The following RCC1L variants were observed in gnomAD, a reference collection of about 807,000 sequenced individuals.
RCC1L encodes the protein RCC1 like.
RCC1L carries 46 observed loss-of-function variants against 58.6 expected under a neutral mutation model. The ratio of observed to expected loss-of-function variants is 0.79; its 90% confidence interval spans 0.62 to 1.00. The LOEUF is 1.00. RCC1L is among the 50% of genes least tolerant of loss of function. The pLI, the probability that RCC1L is intolerant of heterozygous loss-of-function variation, is 0.00. For synonymous variants in RCC1L, 281 were observed against 262.9 expected (o/e 1.07, Z -0.67); for missense variants, 636 against 623.6 (o/e 1.02, Z -0.21).
At chr7:75,029,719 T>G (rs1343573511) in intron 10 of RCC1L, among the ~76,000 whole-genome samples, 3 of 152,148 alleles carry the variant, frequency 2.0e-5, no homozygotes, top group Non-Finnish European at 4.4e-5. Flanking sequence ...AACCTTCTAG[T>G]CCGCTCCGAG....
At chr7:75,055,778 C>T in intron 9 of RCC1L, 123 bp downstream of exon 9, 1 of 1,117,948 alleles carries the variant, frequency 8.9e-7, no homozygotes, top group Non-Finnish European at 1.3e-6. Flanking sequence ...CTTGAGTTAT[C>T]AGTACAAAGG....
chr7:75,057,398 T>G, intron 8 of RCC1L, 131 bp downstream of exon 8: 36 of 849,428 alleles, frequency 4.2e-5, no homozygotes, highest in Non-Finnish European at 6.6e-5. Context: ...ATTACAGATG[T>G]GAGCCACCGC....
chr7:75,050,653 A>G (rs1554443243), intron 10 of RCC1L, among the ~76,000 whole-genome samples: 3 of 152,232 alleles, frequency 2.0e-5, no homozygotes, highest in Admixed American at 2.0e-4. Context: ...GCAAGTGGGC[A>G]TGTAGATGAC....
At chr7:75,063,078 T>G (rs1213840916) in intron 5 of RCC1L, among the ~76,000 whole-genome samples, 1 of 151,152 alleles carries the variant, frequency 6.6e-6, no homozygotes, top group Non-Finnish European at 1.5e-5. Flanking sequence ...GCATTACAGG[T>G]ATAGCCACCA....
At chr7:75,051,420 G>T (rs1805911924) in intron 10 of RCC1L, among the ~76,000 whole-genome samples, 2 of 145,688 alleles carry the variant, frequency 1.4e-5, no homozygotes, top group African/African-American at 2.6e-5. Flanking sequence ...CAAGTCCTTT[G>T]TTTTTTTTTG....
intron 3 of RCC1L, among the ~76,000 whole-genome samples, 178 bp downstream of exon 3, chr7:75,066,486 G>T (rs1554445136): frequency 2.0e-5 from 3 of 152,014 alleles, no homozygotes; most frequent in African/African-American, 4.8e-5. Context: ...AATAAATAAA[G>T]AATCAACAAG....
rs1705881749 is a variant in RCC1L, at chr7:75,042,935, ACCAT to A, written c.*93_*96del. ...ACTGCACGCAGGGTCCTCCGCCACC[ACCAT>A]CCAAGAACCCCGGGGGGCTGGCCAC... On this transcript the variant is annotated 3_prime_UTR_variant, in exon 11 of 11. Transcript: ENST00000610322. 6.3e-7 allele frequency: 1 copy of A among 1,595,940 alleles called. No homozygotes were observed.
chr7:75,072,185 T>TAC (rs1383462802), intron 1 of RCC1L, among the ~76,000 whole-genome samples: 1 of 102,846 alleles, frequency 9.7e-6, no homozygotes, highest in Non-Finnish European at 2.0e-5. Flanking sequence ...TATATATATA[T>TAC]ATATATGGAG....
chr7:75,066,695 A>G lies in RCC1L; in HGVS notation c.552T>C (p.Ala184=). Residue 184 remains alanine, a synonymous_variant, in exon 3 of 11, where the codon GCT becomes GCC. Transcript: ENST00000610322. ...CCCTGTCAGTCAACACAAGAGAGTGAGCTCGGCCGCAGGAGACCTGCAGCA... is the reference window on the plus strand; with the variant it reads ...CCCTGTCAGTCAACACAAGAGAGTGGGCTCGGCCGCAGGAGACCTGCAGCA... ...TRVLQVSCGR[A]HSLVLTDREG... 1 of 1,613,136 alleles carries G rather than the reference A, an allele frequency of 6.2e-7. No homozygotes were observed. The highest frequency in any genetic ancestry group is 8.5e-7 in the Non-Finnish European group (1 of 1,179,518).
chr7:75,036,116 CTTTTTTT>C (rs33924314), intron 10 of RCC1L, among the ~76,000 whole-genome samples: 1 of 125,100 alleles, frequency 8.0e-6, no homozygotes, highest in East Asian at 2.2e-4. Flanking sequence ...CAAAGTCACT[CTTTTTTT>C]TTTTTTTTTT....
At chr7:75,068,042 G>A (rs1241915610) in intron 2 of RCC1L, among the ~76,000 whole-genome samples, 1 of 151,880 alleles carries the variant, frequency 6.6e-6, no homozygotes, top group Non-Finnish European at 1.5e-5. Context: ...AACGCGGGCC[G>A]GGCACGGTGG....
exon 11 of RCC1L, chr7:75,027,611 T>G (rs1404812700): frequency 2.0e-5 from 4 of 197,574 alleles, no homozygotes; most frequent in Admixed American, 1.6e-4. Flanking sequence ...AAAGCATGTG[T>G]GTCGGGGCGC....
intron 8 of RCC1L, 68 bp downstream of exon 8, chr7:75,057,461 G>A (rs1287967168): frequency 6.5e-7 from 1 of 1,530,142 alleles, no homozygotes; most frequent in East Asian, 2.3e-5. Flanking sequence ...CAAATCCAAT[G>A]GACACTGACC....
chr7:75,037,320 G>T (rs1351591240), downstream of RCC1L, among the ~76,000 whole-genome samples: 1 of 152,038 alleles, frequency 6.6e-6, no homozygotes, highest in East Asian at 1.9e-4. Context: ...AAGCAGCTGG[G>T]ATTACAGGCA....
intron 9 of RCC1L, among the ~76,000 whole-genome samples, chr7:75,053,331 C>T (rs2131989111): frequency 6.6e-6 from 1 of 152,250 alleles, no homozygotes; most frequent in African/African-American, 2.4e-5. Flanking sequence ...GCCCACTCTG[C>T]TCACCCCTTG....
chr7:75,035,278 G>A (rs1805411719), intron 10 of RCC1L, among the ~76,000 whole-genome samples: 4 of 152,074 alleles, frequency 2.6e-5, no homozygotes, highest in South Asian at 2.1e-4. Flanking sequence ...TGATCCGCCC[G>A]CCTCGGCCTC....
At chr7:75,046,668 C>T (rs1378968524) in intron 10 of RCC1L, among the ~76,000 whole-genome samples, 2 of 152,166 alleles carry the variant, frequency 1.3e-5, no homozygotes, top group Non-Finnish European at 2.9e-5. Context: ...GGTTAAATGG[C>T]GTTTTTCTTC....
At chr7:75,068,994 G>T (rs936265544) in intron 2 of RCC1L, among the ~76,000 whole-genome samples, 1 of 151,758 alleles carries the variant, frequency 6.6e-6, no homozygotes, top group African/African-American at 2.4e-5. Flanking sequence ...CCAGCCTCCC[G>T]AATAGCTGGG....
intron 1 of RCC1L, among the ~76,000 whole-genome samples, chr7:75,072,155 C>CATACAT (rs1806760182): frequency 2.1e-5 from 1 of 48,130 alleles, no homozygotes; most frequent in Non-Finnish European, 4.3e-5. Context: ...TATACATATA[C>CATACAT]ATATACATAT....
Sources: allele counts gnomAD v4.1 joint callset (sites outside exome capture counted in the v4.1 genomes callset), GRCh38; gene constraint gnomAD v4.1.1; transcripts MANE v1.5; gene names NCBI Gene and HGNC (gene_info 2026-07-23, HGNC 2026-07-21).